DIP2A: variants seen among roughly 807,000 people sequenced by gnomAD.
DIP2A encodes DIP2 acetate--CoA ligase A, also known as disco-interacting protein 2 homolog A.
DIP2A carries 85 observed loss-of-function variants against 177.4 expected under a neutral mutation model. That is an observed-to-expected ratio of 0.48 (90% CI 0.40 to 0.57). The LOEUF is 0.57. Ranked by LOEUF, DIP2A falls within the 20% of genes least tolerant of loss-of-function variation. DIP2A has a pLI of 0.00. For missense variants in DIP2A, 1,791 were observed against 2,100.2 expected, an observed-to-expected ratio of 0.85 and a Z score of 2.88; for synonymous variants, 886 against 881.8, an observed-to-expected ratio of 1.00 and a Z score of -0.08.
intron 34 of DIP2A, among the ~76,000 whole-genome samples, chr21:46,562,675 CAGA>C (rs530269033): frequency 3.5e-4 from 53 of 152,266 alleles, no homozygotes; most frequent in Non-Finnish European, 6.6e-4. Context: ...GTGTGGGGAG[CAGA>C]AGGAGTGCGT....
At position 46,550,763 on chromosome 21, in the gene DIP2A, C is replaced by T. The variant is rs1050908727; in HGVS notation, c.2839+19C>T. On this transcript the variant is annotated intron_variant, in intron 23 of 37. Coordinates refer to ENST00000417564, the MANE Select transcript of DIP2A (RefSeq NM_015151.4). ...CAACCAGGTTAGTTGAACCTAACAA[C>T]AGGATGCTCTCTAGTCTAACAGTGG... The T allele has an allele frequency of 2.5e-6, 4 of 1,612,412 alleles. No homozygotes were observed. Among genetic ancestry groups the T allele is most frequent in the African/African-American group, 1.3e-5 (1 of 74,910 alleles).
intron 1 of DIP2A, among the ~76,000 whole-genome samples, chr21:46,470,382 G>A (rs527771679): frequency 3.3e-5 from 5 of 152,154 alleles, no homozygotes; most frequent in Admixed American, 6.5e-5. Context: ...GCTGAGGCGG[G>A]AGAATCACTT....
chr21:46,547,656 C>CT (rs10672432), intron 21 of DIP2A, among the ~76,000 whole-genome samples: 12,738 of 76,346 alleles, frequency 0.17, 2,190 homozygotes, highest in African/African-American at 0.23. Flanking sequence ...AAGGGGGTGC[C>CT]TTTTTTTTTT....
chr21:46,521,154 A>G (rs1677144570), intron 8 of DIP2A, among the ~76,000 whole-genome samples: 1 of 151,986 alleles, frequency 6.6e-6, no homozygotes, highest in Admixed American at 6.6e-5. Context: ...TTTTTCCTAT[A>G]GTTTATTCAA....
chr21:46,547,416 A>G (rs891968522), intron 21 of DIP2A, among the ~76,000 whole-genome samples: 1 of 152,148 alleles, frequency 6.6e-6, no homozygotes, highest in East Asian at 1.9e-4. Context: ...GAGACACATG[A>G]CACCCTCCAT....
chr21:46,528,715 A>G (rs1044648980), intron 8 of DIP2A, among the ~76,000 whole-genome samples: 1 of 151,510 alleles, frequency 6.6e-6, no homozygotes, highest in Non-Finnish European at 1.5e-5. Context: ...TTTAGCAGAG[A>G]TGGGGTTTTG....
chr21:46,526,532 T>C (rs1403717177), intron 8 of DIP2A, among the ~76,000 whole-genome samples: 2 of 151,968 alleles, frequency 1.3e-5, no homozygotes, highest in Admixed American at 1.3e-4. Flanking sequence ...GTAGCTGGGA[T>C]TACAAGTGCC....
Position 46,556,457 on chromosome 21 carries a change from G to A in DIP2A, c.3498+366G>A, listed in dbSNP as rs2060471234. ...CCAGCACTTCGGGAGGCCGAGGCGGGTGGATCACAAGATCAAGAGATGGAG... is the reference window on the plus strand; with the variant it reads ...CCAGCACTTCGGGAGGCCGAGGCGGATGGATCACAAGATCAAGAGATGGAG... On this transcript the variant is annotated intron_variant, in intron 29 of 37. Coordinates refer to ENST00000417564, the MANE Select transcript of DIP2A (RefSeq NM_015151.4). The surrounding 1 kb of genome is among the most constrained non-coding windows in gnomAD (Gnocchi z 4.5). The A allele has an allele frequency of 8.8e-7, 1 of 1,136,404 alleles. No individual in the cohort carries two copies. 70.4% of individuals were successfully genotyped at this position (1,136,404 alleles called of 1,614,324 possible). A position where few individuals can be genotyped will look rare whatever the true frequency, so the allele number is the denominator to read the frequency against.
At chr21:46,495,519 C>T (rs1601508852) in intron 3 of DIP2A, among the ~76,000 whole-genome samples, 1 of 151,994 alleles carries the variant, frequency 6.6e-6, no homozygotes, top group African/African-American at 2.4e-5. Context: ...CCGCTCACCT[C>T]GGCCTCCCAA....
At chr21:46,477,388 G>T (rs866309225) in intron 1 of DIP2A, among the ~76,000 whole-genome samples, 4 of 151,516 alleles carry the variant, frequency 2.6e-5, no homozygotes, top group Non-Finnish European at 4.4e-5. Context: ...TTAACGGGGC[G>T]TGGTGGCAGG....
chr21:46,538,363 A>G (rs1569065189), intron 15 of DIP2A, 120 bp from the exon 16 acceptor site: 1 of 1,369,342 alleles, frequency 7.3e-7, no homozygotes, highest in Non-Finnish European at 9.6e-7. Context: ...CCTGGGAGCT[A>G]AGTGTTGTGT....
chr21:46,580,551 G>T, the DIP2A span, among the ~76,000 whole-genome samples: 1 of 152,094 alleles, frequency 6.6e-6, no homozygotes, highest in Non-Finnish European at 1.5e-5. Context: ...ACTGGTCTGT[G>T]TACTTCAGTG....
chr21:46,492,326 CTCTGT>C (rs1384056450), intron 3 of DIP2A, among the ~76,000 whole-genome samples: 6 of 152,160 alleles, frequency 3.9e-5, no homozygotes, highest in African/African-American at 7.2e-5. Flanking sequence ...TTTCTGGACT[CTCTGT>C]TCTGTTCTAT....
intron 1 of DIP2A, among the ~76,000 whole-genome samples, chr21:46,472,313 G>T (rs1451926074): frequency 6.6e-6 from 1 of 152,218 alleles, no homozygotes; most frequent in African/African-American, 2.4e-5. Context: ...AATGTCTGTT[G>T]TTTAAGTCGC....
chr21:46,476,042 T>A (rs1473126695), intron 1 of DIP2A, among the ~76,000 whole-genome samples: 2 of 149,934 alleles, frequency 1.3e-5, no homozygotes, highest in African/African-American at 2.5e-5. Flanking sequence ...GAGACCATCC[T>A]GGCTAACATG....
intron 28 of DIP2A, 98 bp downstream of exon 28, chr21:46,555,031 G>C (rs1277083171): frequency 2.4e-6 from 3 of 1,266,034 alleles, no homozygotes; most frequent in Non-Finnish European, 3.3e-6. Flanking sequence ...CGTGAGGCAA[G>C]AGCAGTCCTG....
chr21:46,470,628 G>A (rs2055279557), intron 1 of DIP2A, among the ~76,000 whole-genome samples: 1 of 151,466 alleles, frequency 6.6e-6, no homozygotes, highest in African/African-American at 2.4e-5. Flanking sequence ...AAAATTAGGT[G>A]GGTGTGGTGG....
intron 8 of DIP2A, among the ~76,000 whole-genome samples, chr21:46,518,127 A>G (rs758227345): frequency 1.3e-5 from 2 of 152,260 alleles, no homozygotes; most frequent in African/African-American, 2.4e-5. Context: ...AGGAATGAAT[A>G]TATCAGAATT....
chr21:46,561,912 G>A (rs536709283), intron 34 of DIP2A, 107 bp downstream of exon 34: 6 of 1,519,318 alleles, frequency 3.9e-6, no homozygotes, highest in South Asian at 1.3e-5. Flanking sequence ...AACACAGGTC[G>A]ACTTCTGGTT....
Sources: allele counts gnomAD v4.1 joint callset (sites outside exome capture counted in the v4.1 genomes callset), GRCh38; gene constraint gnomAD v4.1.1; non-coding constraint Gnocchi (gnomAD v3.1); transcripts MANE v1.5; gene names NCBI Gene and HGNC (gene_info 2026-07-23, HGNC 2026-07-21).